The following LRP1B variants were observed in gnomAD, a reference collection of about 807,000 sequenced individuals.
LRP1B encodes the protein low-density lipoprotein receptor-related protein 1B.
In LRP1B, 217 loss-of-function variants were observed where a neutral mutation model predicts 556.6. The ratio of observed to expected loss-of-function variants is 0.39; its 90% CI spans 0.35 to 0.44. The LOEUF (loss-of-function observed/expected upper bound fraction) is 0.44, where lower values mean the gene tolerates loss of function less well. LRP1B is among the 20% of genes least tolerant of loss of function. LRP1B has a pLI of 1.00. For synonymous variants in LRP1B, 2,047 were observed against 1,865.8 expected (o/e 1.10, Z -2.50); for missense variants, 5,053 against 5,620.8 (o/e 0.90, Z 3.23).
chr2:140,298,327 T>C (rs1439072132), intron 83 of LRP1B, among the ~76,000 whole-genome samples: 2 of 151,980 alleles, frequency 1.3e-5, no homozygotes, highest in Non-Finnish European at 2.9e-5. Flanking sequence ...CATGTGATAA[T>C]ACAGATTATA....
intron 55 of LRP1B, among the ~76,000 whole-genome samples, chr2:140,496,847 A>T (rs370572371): frequency 6.6e-6 from 1 of 151,984 alleles, no homozygotes; most frequent in African/African-American, 2.4e-5. Context: ...AAAAGTAACT[A>T]GTATTCAAGA....
rs1357827544 is a variant in LRP1B, at chr2:140,522,404, A to T, written c.8026+3440T>A. Among the ~76,000 whole-genome samples the T allele has an allele frequency of 4.6e-5, 7 of 152,090 alleles. No homozygotes were observed. The South Asian group carries it at 6.2e-4, about 14-fold the overall frequency. On this transcript the variant is annotated intron_variant, in intron 49 of 90. Coordinates refer to ENST00000389484, the MANE Select transcript of LRP1B (RefSeq NM_018557.3). ...GAAAGCAGAGACACAACATACCAAA[A>T]TCTCTGAGATGTGGCAAAAACAGTA...
At position 140,248,754 on chromosome 2, in the gene LRP1B, C is replaced by T. The variant is rs1351204048; in HGVS notation, c.13248-1592G>A. Among the ~76,000 whole-genome samples, 10 of 151,230 alleles carry T rather than the reference C, an allele frequency of 6.6e-5. No individual in the cohort carries two copies. In the Admixed American group the frequency reaches 6.6e-4, roughly 10 times the overall value. Reference sequence around the variant, plus strand: ...TCTTCACATATTGTAATCATTGACACAGTCCACGGGTAGTTCAAAATAATA... The same window carrying T: ...TCTTCACATATTGTAATCATTGACATAGTCCACGGGTAGTTCAAAATAATA... On this transcript the variant is annotated intron_variant, in intron 86 of 90. Coordinates refer to ENST00000389484, the MANE Select transcript of LRP1B (RefSeq NM_018557.3).
At position 140,575,821 on chromosome 2, in the gene LRP1B, A is replaced by G. The variant is rs1038336574; in HGVS notation, c.7194+22810T>C. Among the ~76,000 whole-genome samples, 15 of 152,062 alleles carry G rather than the reference A, an allele frequency of 9.9e-5. No homozygotes were observed. In the East Asian group the frequency reaches 1.6e-3, roughly 16 times the overall value. On this transcript the variant is annotated intron_variant, in intron 43 of 90. Coordinates refer to ENST00000389484, the MANE Select transcript of LRP1B (RefSeq NM_018557.3). ...GTGCCTGTAGTCTCAGCTACTCGGG[A>G]GGCTGAGGCAGGAGTGCTTGAACCC...
intron 3 of LRP1B, among the ~76,000 whole-genome samples, chr2:141,446,871 A>G (rs1681212302): frequency 6.6e-6 from 1 of 152,028 alleles, no homozygotes; most frequent in African/African-American, 2.4e-5. Context: ...AATCTTGGTG[A>G]ATCTGACAGT....
chr2:141,332,792 C>G (rs1687705505), intron 3 of LRP1B, among the ~76,000 whole-genome samples: 1 of 139,742 alleles, frequency 7.2e-6, no homozygotes, highest in Non-Finnish European at 1.5e-5. Flanking sequence ...TTTTTGTATT[C>G]CATATCTGTC....
chr2:140,507,188 G>A (rs11883834), intron 52 of LRP1B, among the ~76,000 whole-genome samples: 6,822 of 152,080 alleles, frequency 0.045, 390 homozygotes, highest in African/African-American at 0.14. Flanking sequence ...GCCATGTAGC[G>A]ATTTTAAATT....
rs557095540 is a variant in LRP1B, at chr2:140,666,664, T to C, written c.6799+33586A>G. Among the ~76,000 whole-genome samples, 4 of 152,330 alleles carry C rather than the reference T, an allele frequency of 2.6e-5. No individual in the cohort carries two copies. In the South Asian group the frequency reaches 8.3e-4, roughly 32 times the overall value. ...AAACTAACATTTCCAAGGATTACTT[T>C]TAAAAAACAACTCATAGTACATTTT... On this transcript the variant is annotated intron_variant, in intron 41 of 90. Coordinates refer to ENST00000389484, the MANE Select transcript of LRP1B (RefSeq NM_018557.3).
At chr2:140,599,992 C>T (rs191773695) in intron 42 of LRP1B, among the ~76,000 whole-genome samples, 12 of 151,944 alleles carry the variant, frequency 7.9e-5, no homozygotes, top group Non-Finnish European at 5.9e-5. Flanking sequence ...TGATAAATTG[C>T]CTTTATTATA....
At chr2:140,577,242 TG>T (rs1260760964) in intron 43 of LRP1B, among the ~76,000 whole-genome samples, 5 of 151,986 alleles carry the variant, frequency 3.3e-5, no homozygotes, top group Non-Finnish European at 7.4e-5. Context: ...CCCAGCACTT[TG>T]GGAGGCTGAG....
At chr2:142,068,248 C>G (rs993658690) in intron 1 of LRP1B, among the ~76,000 whole-genome samples, 2 of 147,986 alleles carry the variant, frequency 1.4e-5, no homozygotes, top group Non-Finnish European at 3.0e-5. Flanking sequence ...GAGTTAACTG[C>G]CACTTACACT....
intron 14 of LRP1B, among the ~76,000 whole-genome samples, chr2:141,008,467 G>A (rs1447856886): frequency 6.6e-6 from 1 of 150,778 alleles, no homozygotes; most frequent in African/African-American, 2.4e-5. Context: ...CTCCAAAATT[G>A]TGCTCTCAAA....
At chr2:141,015,476 C>T (rs1316901117) in intron 13 of LRP1B, among the ~76,000 whole-genome samples, 1 of 151,916 alleles carries the variant, frequency 6.6e-6, no homozygotes, top group Non-Finnish European at 1.5e-5. Flanking sequence ...TTAGAAATCC[C>T]ACAAATCCTG....
intron 7 of LRP1B, among the ~76,000 whole-genome samples, chr2:141,103,366 G>C (rs1012084778): frequency 1.3e-5 from 2 of 152,042 alleles, no homozygotes; most frequent in African/African-American, 4.8e-5. Flanking sequence ...CTTGTTTTAC[G>C]CAGTGTCACT....
At chr2:140,976,628 C>T (rs967553862) in intron 18 of LRP1B, among the ~76,000 whole-genome samples, 2 of 151,364 alleles carry the variant, frequency 1.3e-5, no homozygotes, top group Non-Finnish European at 2.9e-5. Flanking sequence ...CTGCCTCAGC[C>T]TCCTGAGTAG....
At chr2:140,981,460 C>T (rs1385180060) in intron 18 of LRP1B, among the ~76,000 whole-genome samples, 1 of 151,954 alleles carries the variant, frequency 6.6e-6, no homozygotes, top group Non-Finnish European at 1.5e-5. Flanking sequence ...TCTTAGAAAG[C>T]CTGGCTCATT....
chr2:140,754,742 TA>T (rs1688686858), intron 35 of LRP1B, among the ~76,000 whole-genome samples: 1 of 147,228 alleles, frequency 6.8e-6, no homozygotes, highest in African/African-American at 2.5e-5. Flanking sequence ...CTCAAATCAA[TA>T]ACCTAATCTT....
intron 7 of LRP1B, among the ~76,000 whole-genome samples, chr2:141,135,895 T>C (rs1388802258): frequency 6.6e-6 from 1 of 151,836 alleles, no homozygotes; most frequent in Non-Finnish European, 1.5e-5. Flanking sequence ...AAAATATAAT[T>C]AAGGCAAGAA....
At chr2:141,498,294 A>C (rs917169685) in intron 2 of LRP1B, among the ~76,000 whole-genome samples, 1 of 151,396 alleles carries the variant, frequency 6.6e-6, no homozygotes, top group African/African-American at 2.4e-5. Flanking sequence ...ACACTCTAAC[A>C]CCTTGTACTA....
Sources: gnomAD v4.1 joint callset for allele counts (sites outside exome capture counted in the v4.1 genomes callset) on GRCh38, gnomAD v4.1.1 for gene constraint, MANE v1.5 for transcripts, NCBI Gene and HGNC (gene_info 2026-07-23, HGNC 2026-07-21) for gene names.